RAB4A: variants seen among roughly 807,000 people sequenced by gnomAD.
RAB4A encodes RAB4A, member RAS oncogene family.
Under a neutral mutation model 34.5 loss-of-function variants are expected in RAB4A, and 20 were observed. That is an observed-to-expected ratio of 0.58 (90% CI 0.41 to 0.84). The LOEUF (loss-of-function observed/expected upper bound fraction) is 0.84. Among genes scored for constraint, RAB4A ranks in the 40% least tolerant of loss-of-function variants. RAB4A has a pLI of 0.00. For missense variants in RAB4A, 228 were observed against 274.5 expected (o/e 0.83, Z 1.20); for synonymous variants, 102 against 100.0 (o/e 1.02, Z -0.12).
chr1:229,271,263 CT>C lies in RAB4A; in HGVS notation c.-75del. 7.7e-7 allele frequency: 1 copy of C among 1,304,424 alleles called. No individual in the cohort carries two copies. The highest frequency in any genetic ancestry group is 9.8e-7 in the Non-Finnish European group (1 of 1,023,448). 80.8% of individuals were successfully genotyped at this position (1,304,424 alleles called of 1,614,324 possible). ...CTCCTCCGGTCCCCCGCCCCAGGTCCTTCCCCACCGAGACGCGCCGGCGGAC... is the reference window on the plus strand; with the variant it reads ...CTCCTCCGGTCCCCCGCCCCAGGTCCTCCCCACCGAGACGCGCCGGCGGAC... On this transcript the variant is annotated 5_prime_UTR_variant, in exon 1 of 8. Coordinates refer to ENST00000366690, the MANE Select transcript of RAB4A (RefSeq NM_004578.4).
At chr1:229,290,809 TGACATAAA>T (rs2102847083) in intron 3 of RAB4A, among the ~76,000 whole-genome samples, 1 of 152,098 alleles carries the variant, frequency 6.6e-6, no homozygotes, top group Non-Finnish European at 1.5e-5. Context: ...ATGGGAGAGA[TGACATAAA>T]GAATCCTCCA....
chr1:229,295,936 G>C, intron 4 of RAB4A, 26 bp downstream of exon 4: 11 of 1,613,288 alleles, frequency 6.8e-6, no homozygotes, highest in Non-Finnish European at 9.3e-6. Context: ...CCTGGTGAAG[G>C]AGGGTGCTCA....
chr1:229,296,460 A>C (rs1304504591), intron 4 of RAB4A, among the ~76,000 whole-genome samples: 3 of 152,318 alleles, frequency 2.0e-5, no homozygotes, highest in African/African-American at 7.2e-5. Flanking sequence ...GCTGTTTGTG[A>C]CATATGGCAA....
chr1:229,301,788 C>T (rs536147302), intron 6 of RAB4A, among the ~76,000 whole-genome samples: 6 of 152,002 alleles, frequency 3.9e-5, no homozygotes, highest in Admixed American at 6.6e-5. Flanking sequence ...TAGACTACCA[C>T]GCCTTGCTTT....
At chr1:229,296,988 C>G (rs1017545106) in intron 4 of RAB4A, among the ~76,000 whole-genome samples, 1 of 151,986 alleles carries the variant, frequency 6.6e-6, no homozygotes. Context: ...CCTAGGGCAA[C>G]GTAATTAATC....
intron 1 of RAB4A, among the ~76,000 whole-genome samples, chr1:229,279,068 T>C (rs1656716849): frequency 6.6e-6 from 1 of 152,256 alleles, no homozygotes; most frequent in South Asian, 2.1e-4. Flanking sequence ...TCAGTTTTCG[T>C]AATCACAGAC....
intron 1 of RAB4A, among the ~76,000 whole-genome samples, chr1:229,277,586 A>C (rs767868653): frequency 7.3e-5 from 11 of 151,110 alleles, no homozygotes; most frequent in Non-Finnish European, 1.3e-4. Context: ...GACCCTGGGG[A>C]TAGTCCTTTT....
In RAB4A at chr1:229,304,318, A is replaced by G. The variant is rs1030758262; in HGVS notation, c.*525A>G. On this transcript the variant is annotated 3_prime_UTR_variant, in exon 8 of 8. Transcript: ENST00000366690. ...TTTAACTCCGTTTACTACATTCTAC[A>G]TGGTGTTTACGTGATCCACACTTGA... 6.6e-5 allele frequency: 10 copies of G among 152,006 alleles called. No individual in the cohort carries two copies. Among genetic ancestry groups the G allele is most frequent in the African/African-American group, 1.7e-4 (7 of 41,346 alleles). The allele number at this position is 152,006 out of a possible 1,614,324, so 9.4% of individuals were successfully genotyped here.
At chr1:229,302,292 T>C (rs1377783391) in intron 6 of RAB4A, among the ~76,000 whole-genome samples, 4 of 24,990 alleles carry the variant, frequency 1.6e-4, no homozygotes, top group South Asian at 9.8e-4. Flanking sequence ...TATATATATA[T>C]ATATATATAT....
intron 3 of RAB4A, 85 bp from the exon 4 acceptor site, chr1:229,295,763 C>T: frequency 7.7e-7 from 1 of 1,303,452 alleles, no homozygotes; most frequent in Non-Finnish European, 1.1e-6. Flanking sequence ...GTTTACAAAG[C>T]AAGCATGGGT....
intron 1 of RAB4A, among the ~76,000 whole-genome samples, chr1:229,276,984 CTATATATAATATAGA>C (rs895399939): frequency 6.2e-5 from 9 of 144,406 alleles, no homozygotes; most frequent in African/African-American, 1.6e-4. Context: ...AACTATATAT[CTATATATAATATAGA>C]TATATATAAT....
chr1:229,292,079 A>AG (rs1480405112), intron 3 of RAB4A, among the ~76,000 whole-genome samples: 1 of 61,564 alleles, frequency 1.6e-5, no homozygotes, highest in Non-Finnish European at 2.9e-5. Context: ...GGGTGGGGGG[A>AG]GGGGGGAGGG....
intron 1 of RAB4A, among the ~76,000 whole-genome samples, chr1:229,283,138 A>G (rs763792308): frequency 1.3e-5 from 2 of 152,216 alleles, no homozygotes; most frequent in Admixed American, 1.3e-4. Context: ...CTAGAAGTTC[A>G]GATTCCCCAC....
intron 2 of RAB4A, among the ~76,000 whole-genome samples, chr1:229,287,621 G>A (rs115270859): frequency 0.029 from 4,417 of 152,174 alleles, 70 homozygotes; most frequent in Non-Finnish European, 0.031. Flanking sequence ...AGTAATGAAC[G>A]GAAGGTCTCT....
chr1:229,285,391 T>C (rs1245964024), intron 1 of RAB4A, among the ~76,000 whole-genome samples: 1 of 152,140 alleles, frequency 6.6e-6, no homozygotes, highest in East Asian at 1.9e-4. Context: ...TTATGAGAGG[T>C]TGAATAGGCT....
intron 1 of RAB4A, among the ~76,000 whole-genome samples, chr1:229,273,465 G>A (rs1571818402): frequency 1.3e-5 from 2 of 152,308 alleles, no homozygotes; most frequent in Admixed American, 6.5e-5. Flanking sequence ...TGAGGCCAGA[G>A]GTGATGGCTC....
chr1:229,299,124 C>G, intron 6 of RAB4A, 52 bp downstream of exon 6: 1 of 1,206,216 alleles, frequency 8.3e-7, no homozygotes, highest in South Asian at 1.3e-5. Context: ...TACACTGTAG[C>G]TCAGTAGATC....
chr1:229,286,656 G>A (rs1656931499), intron 2 of RAB4A, 90 bp downstream of exon 2: 1 of 737,146 alleles, frequency 1.4e-6, no homozygotes, highest in East Asian at 2.9e-5. Context: ...AATTTTTTCA[G>A]AGGAAAAAAG....
Position 229,271,213 on chromosome 1 carries a change from C to A in RAB4A, c.-127C>A. 1.0e-6 allele frequency: 1 copy of A among 976,316 alleles called. No individual in the cohort carries two copies. The highest frequency in any genetic ancestry group is 1.3e-6 in the Non-Finnish European group (1 of 756,034). 60.5% of individuals were successfully genotyped at this position (976,316 alleles called of 1,614,324 possible). On this transcript the variant is annotated 5_prime_UTR_variant, in exon 1 of 8. Transcript: ENST00000366690. ...GCAGCCGCTGGGAGACCGGCGGTTG[C>A]CGTGGGGACCGGTCGGGCCCCTCCC...
Sources: allele counts gnomAD v4.1 joint callset (sites outside exome capture counted in the v4.1 genomes callset), GRCh38; gene constraint gnomAD v4.1.1; transcripts MANE v1.5; gene names NCBI Gene and HGNC (gene_info 2026-07-23, HGNC 2026-07-21).